Variants in TBCD observed in about 807,000 individuals in gnomAD.
The protein encoded by TBCD is tubulin-specific chaperone D.
TBCD carries 105 observed loss-of-function variants against 169.3 expected under a neutral mutation model. That is an observed-to-expected ratio of 0.62 (90% CI 0.53 to 0.73). The LOEUF is 0.73. Among genes scored for constraint, TBCD ranks in the 30% least tolerant of loss-of-function variants. TBCD has a pLI of 0.00. For synonymous variants in TBCD, 700 were observed against 643.9 expected, an observed-to-expected ratio of 1.09 and a Z score of -1.32; for missense variants, 1,444 against 1,600.1, an observed-to-expected ratio of 0.90 and a Z score of 1.66.
chr17:82,929,619 C>T lies in TBCD; in HGVS notation c.2991+119C>T, dbSNP rs770826664. The T allele has an allele frequency of 9.1e-5, 129 of 1,410,916 alleles. 1 individual carries two copies. The African/African-American group carries it at 9.4e-4, about 10-fold the overall frequency. The allele number at this position is 1,410,916 out of a possible 1,614,324, so 87.4% of individuals were successfully genotyped here. On this transcript the variant is annotated intron_variant, in intron 32 of 38. Coordinates refer to ENST00000355528, the MANE Select transcript of TBCD (RefSeq NM_005993.5). ...TTCTTCCATTGCTTTCTATCTCTCT[C>T]GGGCATATTTGGTTAGGGGGTCAGG...
intron 6 of TBCD, among the ~76,000 whole-genome samples, chr17:82,777,023 C>T (rs1261425411): frequency 1.3e-5 from 2 of 152,006 alleles, no homozygotes; most frequent in Admixed American, 6.6e-5. Flanking sequence ...CGGTGAAGGG[C>T]GATGGGTATT....
rs1211299248 is a variant in TBCD, at chr17:82,752,211, A to G, written c.18A>G (p.Glu6=). Reference sequence around the variant, plus strand: ...CTGCCGAGATGGCCCTGAGCGACGAACCGGCCGCGGGCGGCCCCGAGGAGG... The same window carrying G: ...CTGCCGAGATGGCCCTGAGCGACGAGCCGGCCGCGGGCGGCCCCGAGGAGG... MALSD[E]PAAGGPEEEA... The change falls in exon 1 of 39, where the codon GAA becomes GAG. Residue 6 remains glutamate (E), a synonymous_variant. Coordinates refer to ENST00000355528, the MANE Select transcript of TBCD (RefSeq NM_005993.5). 2.0e-6 allele frequency: 3 copies of G among 1,521,644 alleles called. No individual in the cohort carries two copies. The highest frequency in any genetic ancestry group is 2.1e-5 in the Admixed American group (1 of 48,764). 94.3% of individuals were successfully genotyped at this position (1,521,644 alleles called of 1,614,324 possible).
chr17:82,778,557 C>G (rs1235852613), intron 6 of TBCD, among the ~76,000 whole-genome samples: 1 of 152,114 alleles, frequency 6.6e-6, no homozygotes, highest in African/African-American at 2.4e-5. Context: ...CTCCTAGGCT[C>G]AAGCAATCCT....
At chr17:82,869,296 A>G (rs1483956552) in intron 13 of TBCD, among the ~76,000 whole-genome samples, 2 of 152,288 alleles carry the variant, frequency 1.3e-5, no homozygotes, top group Admixed American at 6.5e-5. Context: ...ACGTCCTAAA[A>G]TCCTCTCATG....
chr17:82,778,502 A>G (rs894937996), intron 6 of TBCD, among the ~76,000 whole-genome samples: 1 of 152,146 alleles, frequency 6.6e-6, no homozygotes, highest in Admixed American at 6.5e-5. Context: ...TCTGTTGCCC[A>G]GGCGCGAGTG....
Position 82,797,803 on chromosome 17 carries a change from G to T in TBCD, c.817+1G>T. On this transcript the variant is annotated splice_donor_variant, in intron 8 of 38. Coordinates refer to ENST00000355528, the MANE Select transcript of TBCD (RefSeq NM_005993.5). LOFTEE classifies it high-confidence loss of function. ...AAACGTGAAGACTGTTTGCCCTATGGTAAGGTTTATTTTTAAGAGACGATA... is the reference window on the plus strand; with the variant it reads ...AAACGTGAAGACTGTTTGCCCTATGTTAAGGTTTATTTTTAAGAGACGATA... 1 of 1,574,436 alleles carries T rather than the reference G, an allele frequency of 6.4e-7. No homozygotes were observed. Among genetic ancestry groups the T allele is most frequent in the Admixed American group, 1.9e-5 (1 of 51,474 alleles).
At chr17:82,771,018 A>T (rs2048282328) in intron 5 of TBCD, among the ~76,000 whole-genome samples, 1 of 140,602 alleles carries the variant, frequency 7.1e-6, no homozygotes, top group Non-Finnish European at 1.5e-5. Context: ...ACTGCACTCT[A>T]GCCTGGGCAG....
chr17:82,845,492 C>T (rs143668092), intron 13 of TBCD, among the ~76,000 whole-genome samples: 5,677 of 130,480 alleles, frequency 0.044, 134 homozygotes, highest in South Asian at 0.079. Flanking sequence ...CTGTCCTGTC[C>T]GGCCCGGCCC....
intron 14 of TBCD, among the ~76,000 whole-genome samples, chr17:82,871,412 C>G (rs8065975): frequency 0.11 from 16,530 of 152,252 alleles, 1,171 homozygotes; most frequent in South Asian, 0.29. Flanking sequence ...TGTCACTGTC[C>G]GTCATGGGTG....
intron 37 of TBCD, 96 bp downstream of exon 37, chr17:82,939,572 TAGG>T (rs1227866495): frequency 4.2e-5 from 42 of 992,680 alleles, no homozygotes; most frequent in Non-Finnish European, 3.8e-5. Flanking sequence ...AACCCTCTGA[TAGG>T]AGGAGGAAAG....
intron 17 of TBCD, among the ~76,000 whole-genome samples, chr17:82,900,032 G>A (rs907892928): frequency 8.5e-5 from 13 of 152,168 alleles, no homozygotes; most frequent in Non-Finnish European, 1.8e-4. Context: ...CAGCTTTGCC[G>A]AGGTATAATG....
chr17:82,807,285 A>T (rs2051041550), intron 10 of TBCD, among the ~76,000 whole-genome samples: 1 of 152,104 alleles, frequency 6.6e-6, no homozygotes, highest in Non-Finnish European at 1.5e-5. Context: ...CACTTTGGTC[A>T]CCCGTGAGCT....
chr17:82,856,947 C>T (rs889479644), intron 13 of TBCD, among the ~76,000 whole-genome samples: 1 of 147,006 alleles, frequency 6.8e-6, no homozygotes, highest in Non-Finnish European at 1.5e-5. Flanking sequence ...AGGGCGGGAT[C>T]GCTGGACCGC....
intron 1 of TBCD, among the ~76,000 whole-genome samples, chr17:82,752,669 G>A (rs898361368): frequency 1.6e-4 from 25 of 152,194 alleles, no homozygotes; most frequent in African/African-American, 6.0e-4. Context: ...GGGAGGCGGG[G>A]TGCAGAAGCC....
At chr17:82,941,863 C>T (rs1175915187) in intron 38 of TBCD, 2 of 273,398 alleles carry the variant, frequency 7.3e-6, no homozygotes, top group East Asian at 8.1e-5. Flanking sequence ...GAGAGGCCCC[C>T]AGAAGCTGCC....
Position 82,800,984 on chromosome 17 carries a change from T to A in TBCD, c.938T>A (p.Val313Glu). 6.8e-7 allele frequency: 1 copy of A among 1,477,646 alleles called. No homozygotes were observed. The highest frequency in any genetic ancestry group is 9.1e-7 in the Non-Finnish European group (1 of 1,100,254). The allele number at this position is 1,477,646 out of a possible 1,614,324, so 91.5% of individuals were successfully genotyped here. A position where few individuals can be genotyped will look rare whatever the true frequency, so the allele number is the denominator to read the frequency against. The change falls in exon 9 of 39, where the codon GTG becomes GAG. Residue 313 changes from valine (V) to glutamate (E), a missense_variant. By Grantham distance (121) the Val-to-Glu change is moderately radical. Coordinates refer to ENST00000355528, the MANE Select transcript of TBCD (RefSeq NM_005993.5). The stretch of plus-strand genomic sequence containing the variant: ...GGGCTGACATTCCTGAAGCCGAAGG[T>A]GGCAGCATGGAGGTAGGCACCATGA... ...RLGLTFLKPK[V>E]AAWRYQRGCR...
Position 82,884,105 on chromosome 17 carries a change from G to A in TBCD, c.1476-40G>A. Reference sequence around the variant, plus strand: ...GATACTGTGTGGTCTGTACTGTTTTGCAGAATTTCTTTTTAATTAATCCTT... The same window carrying A: ...GATACTGTGTGGTCTGTACTGTTTTACAGAATTTCTTTTTAATTAATCCTT... On this transcript the variant is annotated intron_variant, in intron 14 of 38. Coordinates refer to ENST00000355528, the MANE Select transcript of TBCD (RefSeq NM_005993.5). This position sits in a 1 kb window ranked among gnomAD's most constrained non-coding sequence, Gnocchi z 4.2. The A allele has an allele frequency of 6.4e-7, 1 of 1,563,910 alleles. No individual in the cohort carries two copies. Among genetic ancestry groups the A allele is most frequent in the African/African-American group, 1.4e-5 (1 of 74,016 alleles).
intron 23 of TBCD, among the ~76,000 whole-genome samples, chr17:82,917,539 C>T (rs2061135594): frequency 6.6e-6 from 1 of 152,206 alleles, no homozygotes; most frequent in Non-Finnish European, 1.5e-5. Context: ...CACCAAGCTG[C>T]AGGAACAAGA....
At chr17:82,901,146 T>G (rs2059864346) in intron 18 of TBCD, among the ~76,000 whole-genome samples, 1 of 152,250 alleles carries the variant, frequency 6.6e-6, no homozygotes, top group South Asian at 2.1e-4. Flanking sequence ...AGTGGCCGTT[T>G]TCATCATTAC....
Sources: allele counts gnomAD v4.1 joint callset (sites outside exome capture counted in the v4.1 genomes callset), GRCh38; gene constraint gnomAD v4.1.1; non-coding constraint Gnocchi (gnomAD v3.1); transcripts MANE v1.5; gene names NCBI Gene and HGNC (gene_info 2026-07-23, HGNC 2026-07-21).